VSTM2L: variants seen among roughly 807,000 people sequenced by gnomAD.
VSTM2L encodes the protein V-set and transmembrane domain-containing protein 2-like protein.
In VSTM2L, 9 loss-of-function variants were observed where a neutral mutation model predicts 19.9. That is an observed-to-expected ratio of 0.45 (90% CI 0.27 to 0.79). The LOEUF (loss-of-function observed/expected upper bound fraction) is 0.79, where lower values mean the gene tolerates loss of function less well. VSTM2L is among the 30% of genes least tolerant of loss of function. VSTM2L has a pLI of 0.15. For synonymous variants in VSTM2L, 127 were observed against 133.8 expected (o/e 0.95, Z 0.35); for missense variants, 286 against 295.5 (o/e 0.97, Z 0.24).
intron 3 of VSTM2L, among the ~76,000 whole-genome samples, chr20:37,935,210 G>A (rs2072932504): frequency 6.6e-6 from 1 of 152,190 alleles, no homozygotes; most frequent in African/African-American, 2.4e-5. Context: ...CAGCATGAAT[G>A]TGCAATTACC....
chr20:37,903,495 G>A lies in VSTM2L; in HGVS notation c.121+24G>A, dbSNP rs563771145. 2.7e-5 allele frequency: 39 copies of A among 1,462,318 alleles called. No homozygotes were observed. The African/African-American group carries it at 5.6e-4, about 21-fold the overall frequency. 90.6% of individuals were successfully genotyped at this position (1,462,318 alleles called of 1,614,324 possible). ...CGGTGAGTTCGGTCGCCGCCCCCGC[G>A]GACTTCCCCACCAAACCCCAACCCG... On this transcript the variant is annotated intron_variant, in intron 1 of 3. Coordinates refer to ENST00000373461, the MANE Select transcript of VSTM2L (RefSeq NM_080607.3).
At chr20:37,935,544 G>A (rs1435419219) in intron 3 of VSTM2L, among the ~76,000 whole-genome samples, 1 of 152,102 alleles carries the variant, frequency 6.6e-6, no homozygotes, top group Non-Finnish European at 1.5e-5. Flanking sequence ...CCTTTGCACA[G>A]GCTGGTCCGC....
chr20:37,921,322 C>T (rs1177823684), intron 1 of VSTM2L, among the ~76,000 whole-genome samples: 1 of 152,164 alleles, frequency 6.6e-6, no homozygotes, highest in Admixed American at 6.5e-5. Context: ...AGAACCAGAG[C>T]CTGCAGACTT....
intron 1 of VSTM2L, among the ~76,000 whole-genome samples, chr20:37,915,711 C>T (rs751413598): frequency 5.9e-5 from 9 of 151,716 alleles, no homozygotes; most frequent in Non-Finnish European, 1.2e-4. Flanking sequence ...TTCGCAGACA[C>T]GATTGGGCAG....
intron 1 of VSTM2L, among the ~76,000 whole-genome samples, chr20:37,917,269 C>T (rs2072823806): frequency 6.6e-6 from 1 of 151,872 alleles, no homozygotes; most frequent in Non-Finnish European, 1.5e-5. Context: ...GAGCAAAGAT[C>T]ATGCCACTGC....
intron 1 of VSTM2L, among the ~76,000 whole-genome samples, chr20:37,909,881 G>C (rs2072770280): frequency 6.6e-6 from 1 of 152,216 alleles, no homozygotes; most frequent in Non-Finnish European, 1.5e-5. Flanking sequence ...AGCCCACCCA[G>C]CTGGCTCCCC....
intron 1 of VSTM2L, among the ~76,000 whole-genome samples, chr20:37,912,462 G>A (rs980338128): frequency 1.3e-5 from 2 of 152,218 alleles, no homozygotes; most frequent in African/African-American, 4.8e-5. Context: ...TTCCTGCCTG[G>A]GGGTTCTGGT....
intron 2 of VSTM2L, 129 bp downstream of exon 2, chr20:37,931,933 G>C (rs2072912900): frequency 9.0e-7 from 1 of 1,111,944 alleles, no homozygotes; most frequent in Non-Finnish European, 1.2e-6. Flanking sequence ...CCACACAGCT[G>C]TCTCCCTCCC....
chr20:37,920,863 C>T (rs929615850), intron 1 of VSTM2L, among the ~76,000 whole-genome samples: 1 of 152,114 alleles, frequency 6.6e-6, no homozygotes, highest in Non-Finnish European at 1.5e-5. Context: ...AACTTCAATC[C>T]TCTGGGCTTT....
intron 1 of VSTM2L, among the ~76,000 whole-genome samples, chr20:37,929,674 G>GT (rs1216773831): frequency 2.0e-5 from 3 of 152,186 alleles, no homozygotes; most frequent in South Asian, 2.1e-4. Flanking sequence ...GTTCCCCACT[G>GT]TTGCAGGTGA....
intron 1 of VSTM2L, among the ~76,000 whole-genome samples, chr20:37,922,832 C>G (rs1445020183): frequency 1.3e-5 from 2 of 152,048 alleles, no homozygotes; most frequent in Non-Finnish European, 2.9e-5. Context: ...CTCCCAGGAG[C>G]CATGGGAGCA....
At chr20:37,939,002 A>G (rs2072956445) in intron 3 of VSTM2L, among the ~76,000 whole-genome samples, 2 of 152,134 alleles carry the variant, frequency 1.3e-5, no homozygotes, top group African/African-American at 2.4e-5. Context: ...AGGGGTGGGT[A>G]AGGTGTGGCC....
At chr20:37,938,722 G>A (rs1254162667) in intron 3 of VSTM2L, among the ~76,000 whole-genome samples, 1 of 152,226 alleles carries the variant, frequency 6.6e-6, no homozygotes, top group East Asian at 1.9e-4. Flanking sequence ...GTGCGGAGGT[G>A]ATTATGATTT....
chr20:37,903,585 G>C (rs886999762), intron 1 of VSTM2L, 114 bp downstream of exon 1: 2 of 1,302,582 alleles, frequency 1.5e-6, no homozygotes, highest in Non-Finnish European at 1.9e-6. Context: ...CGGGCATCCC[G>C]GGGCGCCCCC....
chr20:37,933,740 T>C, intron 3 of VSTM2L, 151 bp downstream of exon 3: 1 of 715,882 alleles, frequency 1.4e-6, no homozygotes, highest in Non-Finnish European at 2.3e-6. Context: ...TGCTCTGTTT[T>C]TTAAAAGCCG....
At chr20:37,930,675 C>A (rs2072903181) in intron 1 of VSTM2L, among the ~76,000 whole-genome samples, 1 of 151,482 alleles carries the variant, frequency 6.6e-6, no homozygotes. Flanking sequence ...TGGAGGATGA[C>A]GGATGGGGCA....
chr20:37,920,276 G>A (rs955031298), intron 1 of VSTM2L, among the ~76,000 whole-genome samples: 2 of 152,202 alleles, frequency 1.3e-5, no homozygotes, highest in Admixed American at 6.5e-5. Context: ...CTGGAATAAA[G>A]GGACAATGAT....
At chr20:37,936,575 G>A (rs1357017010) in intron 3 of VSTM2L, among the ~76,000 whole-genome samples, 4 of 152,182 alleles carry the variant, frequency 2.6e-5, no homozygotes, top group Non-Finnish European at 5.9e-5. Flanking sequence ...GGCTTGGTGC[G>A]GGGAGGGCTT....
Position 37,933,554 on chromosome 20 carries a change from C to G in VSTM2L, c.307C>G (p.Gln103Glu). Residue 103 changes from glutamine (Q) to glutamate (E), a missense_variant, in exon 3 of 4, where the codon CAG becomes GAG. Coordinates refer to ENST00000373461, the MANE Select transcript of VSTM2L (RefSeq NM_080607.3). Reference sequence around the variant, plus strand: ...ATCCCAACAGCTAAAAGCATCTCAGCAGGAAGACGCAGGGAAGGAGGCAAC... The same window carrying G: ...ATCCCAACAGCTAAAAGCATCTCAGGAGGAAGACGCAGGGAAGGAGGCAAC... The part of the protein sequence containing the change: ...WASNQLKASQ[Q>E]EDAGKEATKI... 6.2e-7 allele frequency: 1 copy of G among 1,613,342 alleles called. No individual in the cohort carries two copies. The highest frequency in any genetic ancestry group is 2.2e-5 in the East Asian group (1 of 44,834).
Sources: allele counts gnomAD v4.1 joint callset (sites outside exome capture counted in the v4.1 genomes callset), GRCh38; gene constraint gnomAD v4.1.1; transcripts MANE v1.5; gene names NCBI Gene and HGNC (gene_info 2026-07-23, HGNC 2026-07-21).